CLK3: variants seen among roughly 807,000 people sequenced by gnomAD.
CLK3 encodes CDC like kinase 3.
Under a neutral mutation model 65.2 loss-of-function variants are expected in CLK3, and 24 were observed. The observed-to-expected ratio is 0.37, with a 90% CI of 0.27 to 0.52. The LOEUF is 0.52. Ranked by LOEUF, CLK3 falls within the 20% of genes least tolerant of loss-of-function variation. The pLI, the probability that CLK3 is intolerant of heterozygous loss-of-function variation, is 0.92. For synonymous variants in CLK3, 252 were observed against 240.8 expected, an observed-to-expected ratio of 1.05 and a Z score of -0.43; for missense variants, 506 against 660.0, an observed-to-expected ratio of 0.77 and a Z score of 2.56.
upstream of CLK3, among the ~76,000 whole-genome samples, chr15:74,612,204 C>G (rs1199495143): frequency 6.6e-6 from 1 of 152,220 alleles, no homozygotes; most frequent in Non-Finnish European, 1.5e-5. Flanking sequence ...GTTCCCCCTT[C>G]CAGTGTGGAA....
In CLK3 at chr15:74,627,488, G is replaced by T; in HGVS notation, c.912+42G>T. 1 of 1,614,222 alleles carries T rather than the reference G, an allele frequency of 6.2e-7. No individual in the cohort carries two copies. The highest frequency in any genetic ancestry group is 8.5e-7 in the Non-Finnish European group (1 of 1,180,012). On this transcript the variant is annotated intron_variant, in intron 8 of 12. Coordinates refer to ENST00000395066, the MANE Select transcript of CLK3 (RefSeq NM_001130028.2). This position sits in a 1 kb window ranked among gnomAD's most constrained non-coding sequence, Gnocchi z 4.3. ...GGGTGAGGCCCTGTTTCAGGGGTGGGTTACCCGCTGGTGCAGACTCCTGAC... is the reference window on the plus strand; with the variant it reads ...GGGTGAGGCCCTGTTTCAGGGGTGGTTTACCCGCTGGTGCAGACTCCTGAC...
chr15:74,629,759 G>A lies in CLK3; in HGVS notation c.1349G>A (p.Arg450Lys). ...LEHVQLFDLMRRMLEFDPAQR... is the reference protein window; with the variant it reads ...LEHVQLFDLMKRMLEFDPAQR... The stretch of plus-strand genomic sequence containing the variant: ...CACGTGCAGCTGTTTGACCTGATGA[G>A]GAGGATGTTAGAATTTGACCCTGCC... The change falls in exon 13 of 13, where the codon AGG becomes AAG. Residue 450 changes from arginine to lysine, a missense_variant. Transcript: ENST00000395066. 6.2e-7 allele frequency: 1 copy of A among 1,613,670 alleles called. No homozygotes were observed. Among genetic ancestry groups the A allele is most frequent in the Non-Finnish European group, 8.5e-7 (1 of 1,179,768 alleles).
At chr15:74,615,999 C>T (rs1018670525) in intron 1 of CLK3, 101 bp downstream of exon 1, 13 of 909,014 alleles carry the variant, frequency 1.4e-5, no homozygotes, top group Non-Finnish European at 1.6e-5. Flanking sequence ...CGGCCTACTC[C>T]CTTTCTTTCT....
upstream of CLK3, among the ~76,000 whole-genome samples, chr15:74,611,870 C>CA (rs1224740672): frequency 2.6e-5 from 4 of 152,234 alleles, no homozygotes. Context: ...GGCCTCTTCT[C>CA]AGACTCAGAA....
At chr15:74,609,237 C>T (rs1292934004) in intron 1 of CLK3, among the ~76,000 whole-genome samples, 1 of 152,190 alleles carries the variant, frequency 6.6e-6, no homozygotes, top group African/African-American at 2.4e-5. Context: ...ACTCCACTTC[C>T]TCTGGGTCTC....
rs762423353 is a variant in CLK3 at position 74,619,960 on chromosome 15, C to T, written c.153-49C>T. The stretch of plus-strand genomic sequence containing the variant: ...GGCCTTACCACAGGTCTCTTGCTTG[C>T]TAACAGCAAGGACCCAGCTGACCAG... On this transcript the variant is annotated intron_variant, in intron 2 of 12. Transcript: ENST00000395066. The T allele has an allele frequency of 1.1e-5, 17 of 1,611,454 alleles. No homozygotes were observed. In the East Asian group the frequency reaches 3.6e-4, roughly 34 times the overall value.
In CLK3 at chr15:74,628,948, G is replaced by A; in HGVS notation, c.1212G>A (p.Gln404=). 6.2e-7 allele frequency: 1 copy of A among 1,612,564 alleles called. No homozygotes were observed. The part of the protein sequence containing the change: ...PSHMIHRTRK[Q]KYFYKGGLVW... Reference sequence around the variant, plus strand: ...CCACCCCCTTAATTTTCAGGAAGCAGAAATATTTCTACAAAGGGGGCCTAG... The same window carrying A: ...CCACCCCCTTAATTTTCAGGAAGCAAAAATATTTCTACAAAGGGGGCCTAG... The change falls in exon 12 of 13, where the codon CAG becomes CAA. Residue 404 remains glutamine, a synonymous_variant. Coordinates refer to ENST00000395066, the MANE Select transcript of CLK3 (RefSeq NM_001130028.2).
intron 10 of CLK3, among the ~76,000 whole-genome samples, chr15:74,628,314 AG>A (rs34790081): frequency 0.18 from 27,074 of 152,038 alleles, 3,528 homozygotes; most frequent in East Asian, 0.43. Flanking sequence ...CTTCTAGATA[AG>A]GGGCACAGAT....
chr15:74,628,257 T>C (rs2062159616), intron 10 of CLK3, among the ~76,000 whole-genome samples: 1 of 152,128 alleles, frequency 6.6e-6, no homozygotes, highest in African/African-American at 2.4e-5. Flanking sequence ...AGAGGAGTCT[T>C]ATGCTAGGCC....
Position 74,624,490 on chromosome 15 carries a change from C to T in CLK3, c.534-412C>T, listed in dbSNP as rs2062128470. Reference sequence around the variant, plus strand: ...GTTTGCTCAGACTTGCAGACAAGCTCAGGAAGGTCAAGAGGCGCCGCAGGA... The same window carrying T: ...GTTTGCTCAGACTTGCAGACAAGCTTAGGAAGGTCAAGAGGCGCCGCAGGA... On this transcript the variant is annotated intron_variant, in intron 5 of 12. Transcript: ENST00000395066. The surrounding 1 kb of genome is among the most constrained non-coding windows in gnomAD (Gnocchi z 4.2). 5.3e-6 allele frequency: 1 copy of T among 188,034 alleles called. No homozygotes were observed. Among genetic ancestry groups the T allele is most frequent in the Non-Finnish European group, 1.1e-5 (1 of 89,366 alleles). The allele number at this position is 188,034 out of a possible 1,614,324, so 11.6% of individuals were successfully genotyped here. A position where few individuals can be genotyped will look rare whatever the true frequency, so the allele number is the denominator to read the frequency against.
chr15:74,622,406 T>G lies in CLK3; in HGVS notation c.467-88T>G, dbSNP rs2062110872. ...AGCAGTGAGAGAGAAACCTTTTTTG[T>G]TTTTGAGAATTTGAATGCTGTGAAC... On this transcript the variant is annotated intron_variant, in intron 4 of 12. Transcript: ENST00000395066. This position sits in a 1 kb window ranked among gnomAD's most constrained non-coding sequence, Gnocchi z 4.6. 3.4e-6 allele frequency: 4 copies of G among 1,164,134 alleles called. No individual in the cohort carries two copies. In the Admixed American group the frequency reaches 6.3e-5, roughly 18 times the overall value. The allele number at this position is 1,164,134 out of a possible 1,614,324, so 72.1% of individuals were successfully genotyped here.
Position 74,629,204 on chromosome 15 carries a change from C to T in CLK3, c.1296+172C>T. ...TGGCAATGGGGCTTCTTGCAAACTG[C>T]CCCAGAGGGGCCCTTAGCCCTACCC... is the stretch of plus-strand genomic sequence containing the variant. On this transcript the variant is annotated intron_variant, in intron 12 of 12. Transcript: ENST00000395066. 2 of 708,692 alleles carry T rather than the reference C, an allele frequency of 2.8e-6. 1 individual carries two copies. Among genetic ancestry groups the T allele is most frequent in the South Asian group, 3.0e-5 (2 of 67,052 alleles). 43.9% of individuals were successfully genotyped at this position (708,692 alleles called of 1,614,324 possible).
chr15:74,610,129 C>T (rs2061969790), intron 1 of CLK3, among the ~76,000 whole-genome samples: 1 of 152,262 alleles, frequency 6.6e-6, no homozygotes, highest in Non-Finnish European at 1.5e-5. Flanking sequence ...GCCATGCACC[C>T]ACTTGGGGGA....
rs2062089012 is a variant in CLK3 at position 74,620,036 on chromosome 15, G to C, written c.180G>C (p.Arg60Ser). 1 of 1,614,178 alleles carries C rather than the reference G, an allele frequency of 6.2e-7. No individual in the cohort carries two copies. Among genetic ancestry groups the C allele is most frequent in the African/African-American group, 1.3e-5 (1 of 75,050 alleles). The stretch of plus-strand genomic sequence containing the variant: ...ATGACCGCCTGCCCTACCAGAGGAG[G>C]TACCGGGAGCGCCGTGACAGCGATA... ...RSHDRLPYQR[R>S]YRERRDSDTY... The change falls in exon 3 of 13, where the codon AGG becomes AGC. Residue 60 changes from arginine (R) to serine (S), a missense_variant. Coordinates refer to ENST00000395066, the MANE Select transcript of CLK3 (RefSeq NM_001130028.2).
chr15:74,615,233 C>T, upstream of CLK3: 1 of 412,380 alleles, frequency 2.4e-6, no homozygotes, highest in Non-Finnish European at 4.2e-6. Flanking sequence ...CTCCTCCCTC[C>T]AGACTCCGGC....
intron 2 of CLK3, among the ~76,000 whole-genome samples, 177 bp downstream of exon 2, chr15:74,619,525 C>T (rs2062085074): frequency 1.3e-5 from 2 of 152,166 alleles, no homozygotes; most frequent in South Asian, 4.1e-4. Flanking sequence ...GCAGTAGCTA[C>T]CATCCTTGCC....
chr15:74,628,076 C>G (rs768688400), intron 10 of CLK3, 24 bp downstream of exon 10: 2 of 1,530,304 alleles, frequency 1.3e-6, no homozygotes, highest in South Asian at 1.1e-5. Flanking sequence ...GCATTGGTCC[C>G]CTACCCTGAG....
upstream of CLK3, among the ~76,000 whole-genome samples, chr15:74,613,799 A>G (rs1483878397): frequency 1.3e-5 from 2 of 152,132 alleles, no homozygotes; most frequent in East Asian, 3.9e-4. Context: ...AAGTGGTGGG[A>G]GGAGGAGACA....
At chr15:74,628,876 C>A in intron 11 of CLK3, 66 bp from the exon 12 acceptor site, 1 of 1,225,354 alleles carries the variant, frequency 8.2e-7, no homozygotes, top group Non-Finnish European at 1.2e-6. Flanking sequence ...CTGCTCTTCC[C>A]CACCTCCCAC....
Sources: gnomAD v4.1 joint callset for allele counts (sites outside exome capture counted in the v4.1 genomes callset) on GRCh38, gnomAD v4.1.1 for gene constraint, Gnocchi (gnomAD v3.1) non-coding constraint, MANE v1.5 for transcripts, NCBI Gene and HGNC (gene_info 2026-07-23, HGNC 2026-07-21) for gene names.